Variants in ATXN1 observed in about 807,000 individuals in gnomAD.
ATXN1 encodes ataxin 1.
Under a neutral mutation model 56.4 loss-of-function variants are expected in ATXN1, and 8 were observed. The observed-to-expected ratio is 0.14, with a 90% CI of 0.08 to 0.26. The LOEUF (loss-of-function observed/expected upper bound fraction) is 0.26. Among genes scored for constraint, ATXN1 ranks in the 10% least tolerant of loss-of-function variants. The probability of loss-of-function intolerance (pLI) is 1.00; values close to 1 mark genes in which losing one functional copy is unlikely to be tolerated. For missense variants in ATXN1, 987 were observed against 1,106.5 expected (o/e 0.89, Z 1.53); for synonymous variants, 514 against 494.6 (o/e 1.04, Z -0.52).
At chr6:16,387,952 T>C (rs2237216) in intron 6 of ATXN1, among the ~76,000 whole-genome samples, 41,914 of 152,062 alleles carry the variant, frequency 0.28, 6,885 homozygotes, top group East Asian at 0.49. Context: ...ATTGCATAAA[T>C]TCAGCCAGAG....
rs61747470 is a variant in ATXN1, at chr6:16,327,564, G to A, written c.747C>T (p.His249=). The A allele has an allele frequency of 1.8e-4, 285 of 1,605,164 alleles. 3 individuals carry two copies. The highest frequency in any genetic ancestry group is 2.4e-4 in the Admixed American group (14 of 58,616). The part of the protein sequence containing the change: ...PPPAQQNQYV[H]ISSSPQNTGR... ...CGGTGTTCTGCGGAGAACTGGAAATGTGGACGTACTGGTTCTGCTGGGCTG... is the reference window on the plus strand; with the variant it reads ...CGGTGTTCTGCGGAGAACTGGAAATATGGACGTACTGGTTCTGCTGGGCTG... The change falls in exon 7 of 8, where the codon CAC becomes CAT. Residue 249 remains histidine, a synonymous_variant. Transcript: ENST00000436367.
intron 6 of ATXN1, among the ~76,000 whole-genome samples, chr6:16,376,927 A>G (rs1423327025): frequency 1.3e-5 from 2 of 152,246 alleles, no homozygotes; most frequent in Admixed American, 1.3e-4. Flanking sequence ...TTGAAAGGTA[A>G]GGAGTATACA....
rs2113643837 is a variant in ATXN1, at chr6:16,475,298, C to A, written c.-161+10674G>T. On this transcript the variant is annotated intron_variant, in intron 6 of 7. Transcript: ENST00000436367. ...ACCGAATTCACTGTCAGTGTAATGACAATGACAGTTAATGACAACTCCTAT... is the reference window on the plus strand; with the variant it reads ...ACCGAATTCACTGTCAGTGTAATGAAAATGACAGTTAATGACAACTCCTAT... Among the ~76,000 whole-genome samples the A allele has an allele frequency of 3.9e-5, 6 of 152,288 alleles. 1 individual carries two copies. The South Asian group carries it at 1.2e-3, about 32-fold the overall frequency.
intron 6 of ATXN1, among the ~76,000 whole-genome samples, chr6:16,460,363 T>G (rs1344977488): frequency 6.6e-6 from 1 of 152,068 alleles, no homozygotes; most frequent in Non-Finnish European, 1.5e-5. Flanking sequence ...GTAAGGAAAT[T>G]GATGTAGTAG....
At chr6:16,555,860 T>C (rs887782687) in intron 4 of ATXN1, among the ~76,000 whole-genome samples, 1 of 152,234 alleles carries the variant, frequency 6.6e-6, no homozygotes, top group African/African-American at 2.4e-5. Flanking sequence ...CTGTCTTTTG[T>C]TTTGTTTTCC....
chr6:16,324,915 A>G (rs1009135431), intron 7 of ATXN1, among the ~76,000 whole-genome samples: 6 of 152,130 alleles, frequency 3.9e-5, no homozygotes, highest in Non-Finnish European at 8.8e-5. Context: ...TGATGCTTTG[A>G]TATTTTAGTG....
chr6:16,317,751 C>A (rs1259720682), intron 7 of ATXN1, among the ~76,000 whole-genome samples: 2 of 152,096 alleles, frequency 1.3e-5, no homozygotes, highest in African/African-American at 4.8e-5. Context: ...CCTCCCTCCT[C>A]CCACTGCTGC....
chr6:16,692,118 T>C (rs1759059664), intron 2 of ATXN1, among the ~76,000 whole-genome samples: 1 of 152,148 alleles, frequency 6.6e-6, no homozygotes, highest in Non-Finnish European at 1.5e-5. Flanking sequence ...ACACCGGGCG[T>C]GGTGGCACGC....
At chr6:16,671,402 G>T (rs779208517) in intron 2 of ATXN1, among the ~76,000 whole-genome samples, 4 of 151,802 alleles carry the variant, frequency 2.6e-5, no homozygotes, top group Non-Finnish European at 5.9e-5. Flanking sequence ...GCAGGAGAGG[G>T]TATCAGGAAA....
chr6:16,688,056 C>A (rs1481767152), intron 2 of ATXN1, among the ~76,000 whole-genome samples: 3 of 152,154 alleles, frequency 2.0e-5, no homozygotes, highest in African/African-American at 7.2e-5. Flanking sequence ...TCCAGCATAA[C>A]CCCTGGTTGA....
chr6:16,716,850 T>G (rs1400462430), intron 2 of ATXN1, among the ~76,000 whole-genome samples: 1 of 152,232 alleles, frequency 6.6e-6, no homozygotes, highest in East Asian at 1.9e-4. Flanking sequence ...CTGGTCTGGA[T>G]GAATGCCTCC....
At chr6:16,457,386 G>GAAA (rs767195953) in intron 6 of ATXN1, among the ~76,000 whole-genome samples, 3 of 129,654 alleles carry the variant, frequency 2.3e-5, no homozygotes, top group Non-Finnish European at 3.3e-5. Flanking sequence ...AGGGAGAAGA[G>GAAA]AAAAAAAAAA....
At chr6:16,569,076 C>A (rs1252274884) in intron 4 of ATXN1, among the ~76,000 whole-genome samples, 1 of 152,182 alleles carries the variant, frequency 6.6e-6, no homozygotes, top group Non-Finnish European at 1.5e-5. Context: ...AGATCAAAGG[C>A]AGGGCTTCTA....
At chr6:16,392,443 C>T (rs1460403524) in intron 6 of ATXN1, among the ~76,000 whole-genome samples, 1 of 152,060 alleles carries the variant, frequency 6.6e-6, no homozygotes, top group African/African-American at 2.4e-5. Context: ...GCTTGTAATG[C>T]TATTTATCAA....
chr6:16,539,225 G>C (rs912559293), intron 4 of ATXN1, among the ~76,000 whole-genome samples: 1 of 152,044 alleles, frequency 6.6e-6, no homozygotes, highest in African/African-American at 2.4e-5. Flanking sequence ...TTATAACAAG[G>C]GTTTTTTTGC....
intron 3 of ATXN1, among the ~76,000 whole-genome samples, chr6:16,613,100 C>T (rs1763141608): frequency 6.7e-6 from 1 of 148,208 alleles, no homozygotes; most frequent in African/African-American, 2.5e-5. Flanking sequence ...CCCGTCTCTA[C>T]TAAAAATACA....
intron 6 of ATXN1, among the ~76,000 whole-genome samples, chr6:16,373,105 T>C (rs983752134): frequency 3.9e-5 from 6 of 152,142 alleles, no homozygotes; most frequent in African/African-American, 1.4e-4. Flanking sequence ...GTTAACTCCA[T>C]GGAGGAGGTT....
At chr6:16,386,289 G>A (rs1176621404) in intron 6 of ATXN1, among the ~76,000 whole-genome samples, 2 of 152,116 alleles carry the variant, frequency 1.3e-5, no homozygotes, top group Non-Finnish European at 2.9e-5. Flanking sequence ...GATCTACATC[G>A]CGTTCTCTGC....
intron 6 of ATXN1, among the ~76,000 whole-genome samples, chr6:16,452,305 A>G (rs541837687): frequency 6.6e-6 from 1 of 152,356 alleles, no homozygotes; most frequent in East Asian, 1.9e-4. Flanking sequence ...GCAGGGATGA[A>G]TATGTGATGA....
Sources: allele counts gnomAD v4.1 joint callset (sites outside exome capture counted in the v4.1 genomes callset), GRCh38; gene constraint gnomAD v4.1.1; transcripts MANE v1.5; gene names NCBI Gene and HGNC (gene_info 2026-07-23, HGNC 2026-07-21).